Variants in KAZN observed in about 807,000 individuals in gnomAD.
KAZN encodes kazrin, periplakin interacting protein, also known as kazrin.
In KAZN, 40 loss-of-function variants were observed where a neutral mutation model predicts 87.4. The observed-to-expected ratio is 0.46, with a 90% CI of 0.36 to 0.60. The LOEUF (loss-of-function observed/expected upper bound fraction) is 0.60, where lower values mean the gene tolerates loss of function less well. Among genes scored for constraint, KAZN ranks in the 20% least tolerant of loss-of-function variants. The pLI is 0.00. For missense variants in KAZN, 898 were observed against 1,073.9 expected (o/e 0.84, Z 2.29); for synonymous variants, 466 against 458.3 (o/e 1.02, Z -0.22).
At chr1:14,399,775 C>T (rs1458428443) in intron 2 of KAZN, among the ~76,000 whole-genome samples, 2 of 152,036 alleles carry the variant, frequency 1.3e-5, no homozygotes, top group Non-Finnish European at 2.9e-5. Flanking sequence ...TGCTCGATGC[C>T]ATCTCTCAGG....
At chr1:14,583,840 C>A (rs1023476014) in intron 2 of KAZN, among the ~76,000 whole-genome samples, 1 of 152,174 alleles carries the variant, frequency 6.6e-6, no homozygotes, top group African/African-American at 2.4e-5. Context: ...GTATTCCCCC[C>A]TCCCCTACCT....
intron 4 of KAZN, among the ~76,000 whole-genome samples, chr1:15,050,720 TG>T (rs994887170): frequency 6.6e-6 from 1 of 152,064 alleles, no homozygotes; most frequent in Non-Finnish European, 1.5e-5. Context: ...CCCAGAGTGG[TG>T]GGGGGCCTGC....
chr1:14,503,834 C>T (rs1670402986), intron 2 of KAZN, among the ~76,000 whole-genome samples: 2 of 152,150 alleles, frequency 1.3e-5, no homozygotes, highest in East Asian at 3.9e-4. Flanking sequence ...TCACTGCATT[C>T]CTCAGGACTT....
chr1:14,526,748 A>G (rs1325868459), intron 2 of KAZN, among the ~76,000 whole-genome samples: 2 of 152,060 alleles, frequency 1.3e-5, no homozygotes, highest in African/African-American at 4.8e-5. Flanking sequence ...ACATCAAGAA[A>G]CCACTTCATA....
chr1:14,850,951 A>G (rs1425666183), intron 1 of KAZN, among the ~76,000 whole-genome samples: 1 of 152,214 alleles, frequency 6.6e-6, no homozygotes, highest in Non-Finnish European at 1.5e-5. Flanking sequence ...GCCTGCTCAC[A>G]GTACCTGAGA....
chr1:14,494,959 A>G (rs1013035295), intron 2 of KAZN, among the ~76,000 whole-genome samples: 13 of 152,246 alleles, frequency 8.5e-5, no homozygotes, highest in African/African-American at 2.9e-4. Context: ...TGGAGCACAG[A>G]GAGCACCAGT....
intron 1 of KAZN, among the ~76,000 whole-genome samples, chr1:14,642,805 G>T (rs997189957): frequency 6.6e-6 from 1 of 152,192 alleles, no homozygotes; most frequent in East Asian, 1.9e-4. Flanking sequence ...GAAAAAGAAC[G>T]ATTATTGTCA....
intron 2 of KAZN, among the ~76,000 whole-genome samples, chr1:15,012,676 C>T (rs1417305718): frequency 6.6e-6 from 1 of 152,208 alleles, no homozygotes; most frequent in African/African-American, 2.4e-5. Flanking sequence ...AATCCCAGCA[C>T]TTTAGGAGGC....
intron 1 of KAZN, among the ~76,000 whole-genome samples, chr1:14,095,729 C>T (rs868623908): frequency 6.6e-6 from 1 of 152,142 alleles, no homozygotes; most frequent in Non-Finnish European, 1.5e-5. Context: ...ATTGCAGCCT[C>T]AAACTTCTTA....
chr1:14,019,250 G>A (rs1340656891), intron 1 of KAZN, among the ~76,000 whole-genome samples: 1 of 152,082 alleles, frequency 6.6e-6, no homozygotes, highest in Non-Finnish European at 1.5e-5. Flanking sequence ...CATGTTCCTG[G>A]TGTGTTGGTG....
At chr1:14,217,375 C>T (rs1389031507) in intron 2 of KAZN, among the ~76,000 whole-genome samples, 2 of 151,794 alleles carry the variant, frequency 1.3e-5, no homozygotes, top group Non-Finnish European at 2.9e-5. Flanking sequence ...GGCCCATCCC[C>T]CTTCAAATAA....
intron 2 of KAZN, among the ~76,000 whole-genome samples, chr1:14,321,444 G>C (rs955360120): frequency 6.6e-6 from 1 of 152,142 alleles, no homozygotes; most frequent in African/African-American, 2.4e-5. Context: ...CTCACTTAAA[G>C]TATAACATTG....
chr1:14,363,094 G>A (rs1353993499), intron 2 of KAZN, among the ~76,000 whole-genome samples: 2 of 152,210 alleles, frequency 1.3e-5, no homozygotes, highest in African/African-American at 4.8e-5. Flanking sequence ...AGGCTCCAGA[G>A]CTTCACTCCA....
At chr1:14,736,170 T>C (rs1161025532) in intron 1 of KAZN, among the ~76,000 whole-genome samples, 1 of 151,978 alleles carries the variant, frequency 6.6e-6, no homozygotes, top group African/African-American at 2.4e-5. Context: ...CAAACTTCCA[T>C]GTGGCTAAAA....
At chr1:14,210,193 C>T (rs1192955112) in intron 2 of KAZN, among the ~76,000 whole-genome samples, 2 of 152,034 alleles carry the variant, frequency 1.3e-5, no homozygotes, top group Non-Finnish European at 2.9e-5. Context: ...TGGGTTTTTC[C>T]CATGCTGTTC....
At chr1:14,880,553 G>A (rs1182686182) in intron 1 of KAZN, among the ~76,000 whole-genome samples, 1 of 152,168 alleles carries the variant, frequency 6.6e-6, no homozygotes, top group East Asian at 1.9e-4. Context: ...CATCTGGGAG[G>A]AATCAAATGG....
chr1:14,010,503 G>T (rs1432945824), intron 1 of KAZN, among the ~76,000 whole-genome samples: 2 of 152,164 alleles, frequency 1.3e-5, no homozygotes, highest in Admixed American at 1.3e-4. Context: ...AGTATTTCTT[G>T]GTTGCTCAAC....
chr1:14,491,198 C>T (rs1009984581), intron 2 of KAZN, among the ~76,000 whole-genome samples: 1 of 152,278 alleles, frequency 6.6e-6, no homozygotes, highest in African/African-American at 2.4e-5. Flanking sequence ...CATCTTTTAA[C>T]TGGTTAATGC....
At chr1:14,944,067 C>G (rs1413429384) in intron 1 of KAZN, among the ~76,000 whole-genome samples, 5 of 151,858 alleles carry the variant, frequency 3.3e-5, no homozygotes, top group Non-Finnish European at 5.9e-5. Context: ...GAAAGAGACT[C>G]TGTCTCAAAA....
Sources: allele counts gnomAD v4.1 joint callset (sites outside exome capture counted in the v4.1 genomes callset), GRCh38; gene constraint gnomAD v4.1.1; transcripts MANE v1.5; gene names NCBI Gene and HGNC (gene_info 2026-07-23, HGNC 2026-07-21).